IGFBP7: variants seen among roughly 807,000 people sequenced by gnomAD.
IGFBP7 encodes insulin like growth factor binding protein 7, also known as insulin-like growth factor-binding protein 7.
IGFBP7 carries 31 observed loss-of-function variants against 29.4 expected under a neutral mutation model. That is an observed-to-expected ratio of 1.05 (90% CI 0.79 to 1.42). The LOEUF is 1.42. IGFBP7 is among the 40% of genes most tolerant of loss of function. IGFBP7 has a pLI of 0.00. For missense variants in IGFBP7, 393 were observed against 395.5 expected (o/e 0.99, Z 0.05); for synonymous variants, 172 against 174.9 (o/e 0.98, Z 0.13).
At chr4:57,048,315 C>G (rs1724416621) in intron 1 of IGFBP7, among the ~76,000 whole-genome samples, 1 of 152,178 alleles carries the variant, frequency 6.6e-6, no homozygotes, top group Non-Finnish European at 1.5e-5. Flanking sequence ...TCCCAAAGTA[C>G]TGGGATTACA....
At chr4:57,089,459 C>T (rs971749026) in intron 1 of IGFBP7, among the ~76,000 whole-genome samples, 2 of 152,180 alleles carry the variant, frequency 1.3e-5, no homozygotes, top group African/African-American at 4.8e-5. Flanking sequence ...TCAGATAGGA[C>T]TTCTTTCCAC....
chr4:57,050,756 C>T (rs1435815407), intron 1 of IGFBP7, among the ~76,000 whole-genome samples: 2 of 147,822 alleles, frequency 1.4e-5, no homozygotes, highest in Non-Finnish European at 3.0e-5. Flanking sequence ...CAGGGTCTTG[C>T]TTTGTTGCCC....
intron 1 of IGFBP7, among the ~76,000 whole-genome samples, chr4:57,091,901 A>T (rs1350391450): frequency 6.6e-6 from 1 of 152,236 alleles, no homozygotes; most frequent in East Asian, 1.9e-4. Context: ...GTGGAGCAGG[A>T]AACAGGCTGT....
rs115383388 is a variant in IGFBP7, at chr4:57,056,399, A to G, written c.476-15466T>C. On this transcript the variant is annotated intron_variant, in intron 1 of 4. Coordinates refer to ENST00000295666, the MANE Select transcript of IGFBP7 (RefSeq NM_001553.3). ...CGTGTGTGTGTCTTGGGTACTTAGGATAAGTATTACTGTGTGTTTGAGTTC... is the reference window on the plus strand; with the variant it reads ...CGTGTGTGTGTCTTGGGTACTTAGGGTAAGTATTACTGTGTGTTTGAGTTC... Among the ~76,000 whole-genome samples, 356 of 152,124 alleles carry G rather than the reference A, an allele frequency of 2.3e-3. 2 individuals are homozygous for G. The highest frequency in any genetic ancestry group is 7.9e-3 in the African/African-American group (328 of 41,498).
chr4:57,093,453 T>A (rs1163789149), intron 1 of IGFBP7, among the ~76,000 whole-genome samples: 1 of 148,994 alleles, frequency 6.7e-6, no homozygotes, highest in Non-Finnish European at 1.5e-5. Flanking sequence ...TGAGCGGAGA[T>A]CACACCTCTG....
At chr4:57,085,609 C>T (rs10006856) in intron 1 of IGFBP7, among the ~76,000 whole-genome samples, 25,584 of 152,084 alleles carry the variant, frequency 0.17, 4,054 homozygotes, top group African/African-American at 0.4. Context: ...TGTTTGCAGA[C>T]GTGCTTTCAT....
chr4:57,043,740 T>G (rs1237856121), intron 1 of IGFBP7, among the ~76,000 whole-genome samples: 1 of 152,238 alleles, frequency 6.6e-6, no homozygotes, highest in Non-Finnish European at 1.5e-5. Context: ...GCTCTTCTGC[T>G]GCAAACATGA....
chr4:57,051,117 G>A (rs1371333073), intron 1 of IGFBP7, among the ~76,000 whole-genome samples: 1 of 152,198 alleles, frequency 6.6e-6, no homozygotes, highest in Non-Finnish European at 1.5e-5. Context: ...GGGAACAGGA[G>A]CACACAAAAG....
chr4:57,050,702 G>A (rs1190042062), intron 1 of IGFBP7, among the ~76,000 whole-genome samples: 2 of 150,444 alleles, frequency 1.3e-5, no homozygotes, highest in Non-Finnish European at 2.9e-5. Context: ...GTGCAACCAT[G>A]CCCGGCTAAT....
intron 1 of IGFBP7, among the ~76,000 whole-genome samples, chr4:57,093,514 A>G (rs1725688328): frequency 6.6e-6 from 1 of 151,478 alleles, no homozygotes; most frequent in Non-Finnish European, 1.5e-5. Flanking sequence ...AAAAAAAAAA[A>G]GAATTTAAAA....
chr4:57,090,985 G>T (rs1725623864), intron 1 of IGFBP7, among the ~76,000 whole-genome samples: 1 of 152,206 alleles, frequency 6.6e-6, no homozygotes, highest in Admixed American at 6.5e-5. Flanking sequence ...CAGGCCATGT[G>T]TATTCTTTGG....
chr4:57,070,443 G>C (rs1028468191), intron 1 of IGFBP7, among the ~76,000 whole-genome samples: 2 of 152,108 alleles, frequency 1.3e-5, no homozygotes, highest in African/African-American at 4.8e-5. Flanking sequence ...TTTCCATTAT[G>C]GCTAACAAAT....
At chr4:57,108,905 A>G (rs1641648123) in intron 1 of IGFBP7, among the ~76,000 whole-genome samples, 2 of 152,194 alleles carry the variant, frequency 1.3e-5, no homozygotes, top group Admixed American at 6.5e-5. Flanking sequence ...TAAACAATCA[A>G]ACATAATCTC....
chr4:57,078,960 A>C (rs1725296514), intron 1 of IGFBP7, among the ~76,000 whole-genome samples: 1 of 152,130 alleles, frequency 6.6e-6, no homozygotes, highest in South Asian at 2.1e-4. Flanking sequence ...CAGGGCCCCC[A>C]GTTCTCTGGC....
At chr4:57,045,168 C>G (rs1724329560) in intron 1 of IGFBP7, among the ~76,000 whole-genome samples, 1 of 152,138 alleles carries the variant, frequency 6.6e-6, no homozygotes, top group African/African-American at 2.4e-5. Flanking sequence ...TTGGATTATT[C>G]TAAGAATGTA....
intron 1 of IGFBP7, among the ~76,000 whole-genome samples, chr4:57,090,993 T>C (rs1000488346): frequency 2.0e-5 from 3 of 152,262 alleles, no homozygotes; most frequent in Non-Finnish European, 4.4e-5. Context: ...GTGTATTCTT[T>C]GGGAGTTGGA....
chr4:57,068,563 G>A (rs1724974236), intron 1 of IGFBP7, among the ~76,000 whole-genome samples: 2 of 152,180 alleles, frequency 1.3e-5, no homozygotes, highest in Admixed American at 1.3e-4. Flanking sequence ...AGTAGTGCAT[G>A]GTTGGAGTCA....
intron 1 of IGFBP7, among the ~76,000 whole-genome samples, chr4:57,097,507 C>T (rs1438822412): frequency 6.6e-6 from 1 of 152,184 alleles, no homozygotes; most frequent in Non-Finnish European, 1.5e-5. Flanking sequence ...TGTGTTTGGA[C>T]TGGTCAAAGT....
intron 2 of IGFBP7, 53 bp from the exon 3 acceptor site, chr4:57,033,364 T>C: frequency 8.3e-7 from 1 of 1,202,830 alleles, no homozygotes; most frequent in Non-Finnish European, 1.2e-6. Flanking sequence ...GATCATCTAC[T>C]TGGAAGTGGC....
Sources: gnomAD v4.1 joint callset for allele counts (sites outside exome capture counted in the v4.1 genomes callset) on GRCh38, gnomAD v4.1.1 for gene constraint, MANE v1.5 for transcripts, NCBI Gene and HGNC (gene_info 2026-07-23, HGNC 2026-07-21) for gene names.